PTPRD: variants seen among roughly 807,000 people sequenced by gnomAD.
PTPRD encodes receptor-type tyrosine-protein phosphatase delta.
In PTPRD, 34 loss-of-function variants were observed where a neutral mutation model predicts 214.5. That is an observed-to-expected ratio of 0.16 (90% CI 0.12 to 0.21). The LOEUF (loss-of-function observed/expected upper bound fraction) is 0.21, where lower values mean the gene tolerates loss of function less well. PTPRD is among the 10% of genes least tolerant of loss of function. PTPRD has a pLI of 1.00. For missense variants in PTPRD, 2,545 were observed against 2,398.7 expected, an observed-to-expected ratio of 1.06 and a Z score of -1.27; for synonymous variants, 1,128 against 845.7, an observed-to-expected ratio of 1.33 and a Z score of -5.79.
At chr9:9,066,818 T>G (rs1217297644) in intron 10 of PTPRD, among the ~76,000 whole-genome samples, 1 of 152,252 alleles carries the variant, frequency 6.6e-6, no homozygotes, top group Admixed American at 6.5e-5. Flanking sequence ...CGAAGCAGTG[T>G]GATCTAGCTG....
intron 11 of PTPRD, among the ~76,000 whole-genome samples, chr9:8,745,356 C>T (rs922342405): frequency 2.6e-5 from 4 of 152,038 alleles, no homozygotes; most frequent in African/African-American, 9.7e-5. Flanking sequence ...TGATTAATTC[C>T]AAAGTGATCA....
At chr9:9,476,889 C>G (rs924128429) in intron 8 of PTPRD, among the ~76,000 whole-genome samples, 1 of 151,992 alleles carries the variant, frequency 6.6e-6, no homozygotes, top group African/African-American at 2.4e-5. Context: ...GCATGTGCCA[C>G]CATGCCTGAC....
intron 2 of PTPRD, among the ~76,000 whole-genome samples, chr9:10,379,613 T>C (rs1420500049): frequency 6.6e-6 from 1 of 152,078 alleles, no homozygotes; most frequent in Non-Finnish European, 1.5e-5. Context: ...AGAAATACAT[T>C]TTTATGTCTA....
At chr9:9,881,483 C>A (rs1210275117) in intron 5 of PTPRD, among the ~76,000 whole-genome samples, 1 of 152,120 alleles carries the variant, frequency 6.6e-6, no homozygotes, top group African/African-American at 2.4e-5. Flanking sequence ...TATTTCTCCT[C>A]CACCGCATCT....
chr9:9,902,736 T>C (rs1238348538), intron 5 of PTPRD, among the ~76,000 whole-genome samples: 1 of 152,108 alleles, frequency 6.6e-6, no homozygotes. Flanking sequence ...GATAGATACC[T>C]TAGATACATA....
chr9:9,247,906 T>C lies in PTPRD; in HGVS notation c.-202-64543A>G, dbSNP rs139328178. ...ATTTGCATTTCTGCTATCTCACTTATTACTCTCAGCTTTGCTTTACAGTTA... is the reference window on the plus strand; with the variant it reads ...ATTTGCATTTCTGCTATCTCACTTACTACTCTCAGCTTTGCTTTACAGTTA... On this transcript the variant is annotated intron_variant, in intron 9 of 45. Transcript: ENST00000381196. Among the ~76,000 whole-genome samples the C allele has an allele frequency of 4.1e-3, 629 of 152,236 alleles. 2 individuals carry two copies. The highest frequency in any genetic ancestry group is 0.015 in the African/African-American group (603 of 41,570).
intron 3 of PTPRD, among the ~76,000 whole-genome samples, chr9:10,152,064 A>T (rs2099064697): frequency 6.6e-6 from 1 of 152,156 alleles, no homozygotes; most frequent in Non-Finnish European, 1.5e-5. Context: ...TAGGGTTGGG[A>T]TTACTGGATA....
At chr9:9,898,729 A>C (rs1469760813) in intron 5 of PTPRD, among the ~76,000 whole-genome samples, 1 of 152,140 alleles carries the variant, frequency 6.6e-6, no homozygotes, top group African/African-American at 2.4e-5. Context: ...GTCTAGTTTA[A>C]GAAACCATAT....
Position 8,492,847 on chromosome 9 carries a change from C to T in PTPRD, c.2467+15G>A, listed in dbSNP as rs2136298619. 6.3e-7 allele frequency: 1 copy of T among 1,593,500 alleles called. No homozygotes were observed. The highest frequency in any genetic ancestry group is 8.6e-7 in the Non-Finnish European group (1 of 1,161,754). On this transcript the variant is annotated intron_variant, in intron 27 of 45. Coordinates refer to ENST00000381196, the MANE Select transcript of PTPRD (RefSeq NM_002839.4). Reference sequence around the variant, plus strand: ...TATTACTGTTCAAGGCACATACATGCACAGACATGATTACCTGCCCCAGTG... The same window carrying T: ...TATTACTGTTCAAGGCACATACATGTACAGACATGATTACCTGCCCCAGTG...
chr9:8,618,914 GTTTTTT>G (rs554282961), intron 14 of PTPRD, among the ~76,000 whole-genome samples: 180 of 67,842 alleles, frequency 2.7e-3, no homozygotes, highest in African/African-American at 9.1e-3. Flanking sequence ...GTGTTTTTTT[GTTTTTT>G]TTTTTTTTTT....
At chr9:10,495,394 G>A (rs1193753499) in intron 2 of PTPRD, among the ~76,000 whole-genome samples, 2 of 151,820 alleles carry the variant, frequency 1.3e-5, no homozygotes, top group Non-Finnish European at 2.9e-5. Context: ...GCTGTTAAGA[G>A]AGGAATCTGG....
At chr9:8,780,339 A>G (rs1375979347) in intron 11 of PTPRD, among the ~76,000 whole-genome samples, 2 of 150,532 alleles carry the variant, frequency 1.3e-5, no homozygotes, top group East Asian at 3.9e-4. Flanking sequence ...ACATGTAAAA[A>G]TATTCCTTAA....
chr9:10,426,966 T>C (rs2098627387), intron 2 of PTPRD, among the ~76,000 whole-genome samples: 2 of 152,158 alleles, frequency 1.3e-5, no homozygotes, highest in African/African-American at 4.8e-5. Context: ...AGAGGCCCAA[T>C]GTATCAATAT....
chr9:8,789,327 T>C (rs1395319604), intron 11 of PTPRD, among the ~76,000 whole-genome samples: 2 of 152,206 alleles, frequency 1.3e-5, no homozygotes, highest in Admixed American at 1.3e-4. Context: ...AATGTGTCAA[T>C]GAAAATGTGG....
intron 9 of PTPRD, among the ~76,000 whole-genome samples, chr9:9,384,497 G>A (rs980824900): frequency 2.0e-5 from 3 of 151,068 alleles, no homozygotes; most frequent in Non-Finnish European, 3.0e-5. Flanking sequence ...AGCTCTTGCA[G>A]TAAGTATTCA....
chr9:10,226,794 GAT>G (rs1300946244), intron 3 of PTPRD, among the ~76,000 whole-genome samples: 1 of 151,996 alleles, frequency 6.6e-6, no homozygotes, highest in Non-Finnish European at 1.5e-5. Flanking sequence ...AACAGGGATA[GAT>G]CAATAGTTTA....
intron 36 of PTPRD, among the ~76,000 whole-genome samples, chr9:8,390,046 C>A (rs1166745277): frequency 2.0e-5 from 3 of 152,152 alleles, no homozygotes; most frequent in Non-Finnish European, 4.4e-5. Context: ...TAAAGTATTG[C>A]TTCTCATTTA....
At chr9:8,353,848 GTATATATGTGTATATA>G (rs2076210051) in intron 39 of PTPRD, among the ~76,000 whole-genome samples, 3 of 134,992 alleles carry the variant, frequency 2.2e-5, no homozygotes, top group Non-Finnish European at 3.2e-5. Flanking sequence ...ATGTATATAT[GTATATATGTGTATATA>G]TGTATATATG....
intron 12 of PTPRD, among the ~76,000 whole-genome samples, chr9:8,665,077 A>G (rs1443981247): frequency 6.6e-6 from 1 of 151,336 alleles, no homozygotes; most frequent in Non-Finnish European, 1.5e-5. Context: ...TAAAGCAGCA[A>G]AAAAAAAATA....
Sources: allele counts gnomAD v4.1 joint callset (sites outside exome capture counted in the v4.1 genomes callset), GRCh38; gene constraint gnomAD v4.1.1; transcripts MANE v1.5; gene names NCBI Gene and HGNC (gene_info 2026-07-23, HGNC 2026-07-21).